LACTB: variants seen among roughly 807,000 people sequenced by gnomAD.
LACTB encodes lactamase beta.
In LACTB, 35 loss-of-function variants were observed where a neutral mutation model predicts 50.2. The ratio of observed to expected loss-of-function variants is 0.70; its 90% CI spans 0.53 to 0.92. The LOEUF (loss-of-function observed/expected upper bound fraction) is 0.92. Ranked by LOEUF, LACTB falls within the 40% of genes least tolerant of loss-of-function variation. The pLI is 0.00. For missense variants in LACTB, 664 were observed against 691.8 expected, an observed-to-expected ratio of 0.96 and a Z score of 0.45; for synonymous variants, 252 against 268.2, an observed-to-expected ratio of 0.94 and a Z score of 0.59.
At chr15:63,129,712 A>C in intron 5 of LACTB, 62 bp downstream of exon 5, 1 of 1,367,218 alleles carries the variant, frequency 7.3e-7, no homozygotes, top group South Asian at 2.2e-5. Flanking sequence ...TTATTAATTA[A>C]AAGTCAAATT....
Position 63,129,622 on chromosome 15 carries a change from A to G in LACTB, c.1090A>G (p.Asn364Asp), listed in dbSNP as rs779210852. The change falls in exon 5 of 6, where the codon AAC becomes GAC. Residue 364 changes from asparagine to aspartate, a missense_variant. Coordinates refer to ENST00000261893, the MANE Select transcript of LACTB (RefSeq NM_032857.5). The stretch of plus-strand genomic sequence containing the variant: ...TATGCTGACGACTGTGCAGGAAGAA[A>G]ACGAGCCAGTGATTTACAATAGAGC... ...LDMLTTVQEE[N>D]EPVIYNRARF... The G allele has an allele frequency of 6.2e-6, 10 of 1,609,126 alleles. No homozygotes were observed. The highest frequency in any genetic ancestry group is 8.5e-6 in the Non-Finnish European group (10 of 1,177,900).
At chr15:63,139,522 G>A (rs143114084) in intron 5 of LACTB, among the ~76,000 whole-genome samples, 19 of 152,190 alleles carry the variant, frequency 1.2e-4, no homozygotes, top group South Asian at 1.2e-3. Flanking sequence ...ATGTGGTGGC[G>A]CACAACTGTA....
intron 5 of LACTB, chr15:63,131,243 G>T (rs932388192): frequency 6.6e-6 from 1 of 152,270 alleles, no homozygotes; most frequent in Admixed American, 6.5e-5. Flanking sequence ...AGTGAGCCAA[G>T]ATCATGCCAC....
chr15:63,141,628 A>G lies in LACTB; in HGVS notation c.1467A>G (p.Ala489=). The change falls in exon 6 of 6, where the codon GCA becomes GCG. Residue 489 remains alanine, a synonymous_variant. Coordinates refer to ENST00000261893, the MANE Select transcript of LACTB (RefSeq NM_032857.5). The stretch of plus-strand genomic sequence containing the variant: ...ATTATGCTTCACATACTGGAGGGGC[A>G]GTGGGTGCCAGTAGTGTCCTGCTGG... ...QRHYASHTGG[A]VGASSVLLVL... 1 of 1,614,210 alleles carries G rather than the reference A, an allele frequency of 6.2e-7. No individual in the cohort carries two copies. Among genetic ancestry groups the G allele is most frequent in the Non-Finnish European group, 8.5e-7 (1 of 1,180,026 alleles).
chr15:63,136,938 G>T (rs1472188720), intron 5 of LACTB, among the ~76,000 whole-genome samples: 1 of 151,990 alleles, frequency 6.6e-6, no homozygotes, highest in East Asian at 1.9e-4. Flanking sequence ...TCACTTCTCT[G>T]TGTGTTTATG....
chr15:63,138,297 T>TC (rs1179794348), intron 5 of LACTB, among the ~76,000 whole-genome samples: 1 of 151,978 alleles, frequency 6.6e-6, no homozygotes, highest in African/African-American at 2.4e-5. Flanking sequence ...TGAGACCCTG[T>TC]CCCCCCACCC....
rs1158625789 is a variant in LACTB at position 63,141,169 on chromosome 15, GTATGATCATTACATTGAAAT to G, written c.1119-110_1119-91del. 100 of 1,447,778 alleles carry G rather than the reference GTATGATCATTACATTGAAAT, an allele frequency of 6.9e-5. No homozygotes were observed. The East Asian group carries it at 2.3e-3, about 33-fold the overall frequency. The allele number at this position is 1,447,778 out of a possible 1,614,324, so 89.7% of individuals were successfully genotyped here. A position where few individuals can be genotyped will look rare whatever the true frequency, so the allele number is the denominator to read the frequency against. Reference sequence around the variant, plus strand: ...TGGTTAGTTTATAGTTTCTGAGAATGTATGATCATTACATTGAAATACAATCTCTCTCATGTATACATTTT... The same window carrying G: ...TGGTTAGTTTATAGTTTCTGAGAATGACAATCTCTCTCATGTATACATTTT... On this transcript the variant is annotated intron_variant, in intron 5 of 5. Coordinates refer to ENST00000261893, the MANE Select transcript of LACTB (RefSeq NM_032857.5).
intron 2 of LACTB, among the ~76,000 whole-genome samples, chr15:63,123,685 C>A (rs989534154): frequency 1.3e-5 from 2 of 152,232 alleles, no homozygotes; most frequent in African/African-American, 4.8e-5. Flanking sequence ...GGTCACGTGT[C>A]CACTGGACAG....
At chr15:63,129,813 C>A in intron 5 of LACTB, 163 bp downstream of exon 5, 1 of 926,828 alleles carries the variant, frequency 1.1e-6, no homozygotes, top group Non-Finnish European at 1.4e-6. Flanking sequence ...GGAAGTAAAA[C>A]ATGTTTATAA....
chr15:63,123,547 G>A (rs2652788), intron 2 of LACTB, among the ~76,000 whole-genome samples: 3,086 of 150,440 alleles, frequency 0.021, 103 homozygotes, highest in African/African-American at 0.068. Context: ...CCGGGGGACC[G>A]CTACCACCAA....
At chr15:63,132,971 A>G (rs537946020) in intron 5 of LACTB, among the ~76,000 whole-genome samples, 8 of 152,324 alleles carry the variant, frequency 5.3e-5, no homozygotes, top group African/African-American at 1.9e-4. Context: ...CATTTAAACG[A>G]CATTTTCTCT....
At chr15:63,134,383 C>T (rs2037157485) in intron 5 of LACTB, among the ~76,000 whole-genome samples, 1 of 152,108 alleles carries the variant, frequency 6.6e-6, no homozygotes, top group African/African-American at 2.4e-5. Flanking sequence ...TGCAGCATTC[C>T]TGAGGTGAGC....
At chr15:63,132,969 C>T (rs868502772) in intron 5 of LACTB, among the ~76,000 whole-genome samples, 20 of 152,200 alleles carry the variant, frequency 1.3e-4, no homozygotes, top group Middle Eastern at 6.8e-3. Flanking sequence ...AACATTTAAA[C>T]GACATTTTCT....
intron 5 of LACTB, among the ~76,000 whole-genome samples, chr15:63,132,093 G>T (rs1393004076): frequency 6.6e-6 from 1 of 152,140 alleles, no homozygotes; most frequent in African/African-American, 2.4e-5. Flanking sequence ...ACATGTGCAG[G>T]TTTGTTACAT....
intron 5 of LACTB, among the ~76,000 whole-genome samples, chr15:63,137,199 A>G (rs2037186088): frequency 6.6e-6 from 1 of 152,226 alleles, no homozygotes; most frequent in Non-Finnish European, 1.5e-5. Flanking sequence ...GATTCTGTGT[A>G]GCAAATATAC....
intron 5 of LACTB, among the ~76,000 whole-genome samples, chr15:63,132,828 T>A (rs7175973): frequency 0.75 from 113,201 of 150,688 alleles, 42,845 homozygotes; most frequent in East Asian, 0.99. Flanking sequence ...TTAAAAAAAA[T>A]TTTTTTTTGA....
At chr15:63,122,455 GGGCGGACAGGCACATCCCTTGCTGTT>G in intron 1 of LACTB, 155 bp from the exon 2 acceptor site, 1 of 701,048 alleles carries the variant, frequency 1.4e-6, no homozygotes, top group Non-Finnish European at 2.5e-6. Flanking sequence ...TCCCCCTAGG[GGGCGGACAGGCACATCCCTTGCTGTT>G]AGTGAGTGAC....
intron 2 of LACTB, among the ~76,000 whole-genome samples, chr15:63,124,027 T>C (rs1013024137): frequency 6.6e-6 from 1 of 152,168 alleles, no homozygotes; most frequent in African/African-American, 2.4e-5. Flanking sequence ...TTCTACTAAG[T>C]AGCGGGTGTT....
rs1246451006 is a variant in LACTB at position 63,132,202 on chromosome 15, C to T, written c.1118+2552C>T. Reference sequence around the variant, plus strand: ...GTAGTTTTTTAACCCTTGCCCTCCTCCCTGCGTCCCCCTTTTTTGAGTCCT... The same window carrying T: ...GTAGTTTTTTAACCCTTGCCCTCCTTCCTGCGTCCCCCTTTTTTGAGTCCT... On this transcript the variant is annotated intron_variant, in intron 5 of 5. Coordinates refer to ENST00000261893, the MANE Select transcript of LACTB (RefSeq NM_032857.5). Among the ~76,000 whole-genome samples, 5 of 152,260 alleles carry T rather than the reference C, an allele frequency of 3.3e-5. No individual in the cohort carries two copies. The East Asian group carries it at 9.7e-4, about 29-fold the overall frequency.
Sources: gnomAD v4.1 joint callset for allele counts (sites outside exome capture counted in the v4.1 genomes callset) on GRCh38, gnomAD v4.1.1 for gene constraint, MANE v1.5 for transcripts, NCBI Gene and HGNC (gene_info 2026-07-23, HGNC 2026-07-21) for gene names.